ABR: variants seen among roughly 807,000 people sequenced by gnomAD.
ABR encodes the protein ABR activator of RhoGEF and GTPase, also known as active breakpoint cluster region-related protein.
In ABR, 35 loss-of-function variants were observed where a neutral mutation model predicts 107.2. The observed-to-expected ratio is 0.33, with a 90% CI of 0.25 to 0.43. The LOEUF (loss-of-function observed/expected upper bound fraction) is 0.43, where lower values mean the gene tolerates loss of function less well. ABR is among the 20% of genes least tolerant of loss of function. The probability of loss-of-function intolerance (pLI) is 1.00; values close to 1 mark genes in which losing one functional copy is unlikely to be tolerated. For synonymous variants in ABR, 498 were observed against 462.0 expected (o/e 1.08, Z -1.00); for missense variants, 815 against 1,115.2 (o/e 0.73, Z 3.83).
chr17:1,142,731 G>C (rs2040338997), intron 1 of ABR, among the ~76,000 whole-genome samples: 1 of 152,190 alleles, frequency 6.6e-6, no homozygotes, highest in African/African-American at 2.4e-5. Context: ...GGGAAGAGAA[G>C]ACAAGACGGA....
At chr17:1,144,318 A>G (rs937075563) in intron 1 of ABR, among the ~76,000 whole-genome samples, 1 of 152,112 alleles carries the variant, frequency 6.6e-6, no homozygotes, top group Non-Finnish European at 1.5e-5. Flanking sequence ...CACACACCAG[A>G]TGCAGGGGCG....
intron 1 of ABR, among the ~76,000 whole-genome samples, chr17:1,142,827 G>A (rs1017799745): frequency 6.6e-6 from 1 of 152,112 alleles, no homozygotes; most frequent in African/African-American, 2.4e-5. Context: ...CAGGACCCTC[G>A]GCCTGGCCTG....
In ABR at chr17:1,075,705, C is replaced by T. The variant is rs146873647; in HGVS notation, c.701-2028G>A. ...GTATAATAATGGTTGAAAACCACTG[C>T]TTTATGTTTTATTTATGTATTTATT... On this transcript the variant is annotated intron_variant, in intron 6 of 22. Transcript: ENST00000302538. 2.3e-3 allele frequency among the ~76,000 whole-genome samples: 351 copies of T among 152,312 alleles called. 1 individual carries two copies. Among genetic ancestry groups the T allele is most frequent in the African/African-American group, 8.1e-3 (337 of 41,578 alleles).
intron 1 of ABR, among the ~76,000 whole-genome samples, chr17:1,185,353 A>G (rs770084721): frequency 2.6e-5 from 4 of 152,160 alleles, no homozygotes; most frequent in Non-Finnish European, 5.9e-5. Context: ...TGTAGACAGT[A>G]TGCGCCCAGG....
intron 3 of ABR, among the ~76,000 whole-genome samples, chr17:1,097,366 G>A (rs1005187903): frequency 2.6e-5 from 4 of 152,036 alleles, no homozygotes; most frequent in South Asian, 2.1e-4. Context: ...CGAGGCGGGC[G>A]GATCACTTGA....
At chr17:1,193,872 T>C (rs2042491064) in intron 1 of ABR, among the ~76,000 whole-genome samples, 2 of 151,906 alleles carry the variant, frequency 1.3e-5, no homozygotes, top group Non-Finnish European at 2.9e-5. Flanking sequence ...TTTTTTGTAT[T>C]TTTAATAGAG....
intron 1 of ABR, among the ~76,000 whole-genome samples, chr17:1,146,293 A>ACAT (rs2040525060): frequency 6.7e-6 from 1 of 148,844 alleles, no homozygotes; most frequent in Non-Finnish European, 1.5e-5. Context: ...ACACACACAC[A>ACAT]CACATCACAT....
upstream of ABR, among the ~76,000 whole-genome samples, chr17:1,189,140 A>G (rs896994834): frequency 6.6e-6 from 1 of 152,112 alleles, no homozygotes; most frequent in African/African-American, 2.4e-5. Flanking sequence ...GAGAGTGAAG[A>G]AGGGTGAGAC....
chr17:1,171,376 T>TA (rs2041705253), intron 1 of ABR, among the ~76,000 whole-genome samples: 1 of 152,050 alleles, frequency 6.6e-6, no homozygotes, highest in South Asian at 2.1e-4. Context: ...CAGCCCCGAG[T>TA]AAGCCCACAG....
intron 1 of ABR, among the ~76,000 whole-genome samples, chr17:1,197,552 C>T (rs1279030004): frequency 6.6e-6 from 1 of 151,552 alleles, no homozygotes; most frequent in Non-Finnish European, 1.5e-5. Flanking sequence ...ACTCATTGCC[C>T]AAACCCCTGC....
At chr17:1,181,297 G>A (rs543405336), upstream of ABR, among the ~76,000 whole-genome samples, 1 of 152,314 alleles carries the variant, frequency 6.6e-6, no homozygotes, top group South Asian at 2.1e-4. Context: ...AGAGGCCTCT[G>A]CAGCTGCCCC....
rs1015372878 is a variant in ABR at position 1,025,682 on chromosome 17, G to A, written c.1792-12518C>T. Reference sequence around the variant, plus strand: ...AATTCTTCTTGTCATTTAAATCTTCGTTCAAAAGTGATCCTCTCAAGCCAG... The same window carrying A: ...AATTCTTCTTGTCATTTAAATCTTCATTCAAAAGTGATCCTCTCAAGCCAG... On this transcript the variant is annotated intron_variant, in intron 16 of 22. Transcript: ENST00000302538. Among the ~76,000 whole-genome samples, 6 of 152,112 alleles carry A rather than the reference G, an allele frequency of 3.9e-5. No homozygotes were observed. The East Asian group carries it at 5.8e-4, about 15-fold the overall frequency.
rs540700565 is a variant in ABR, at chr17:1,084,915, G to T, written c.532-1288C>A. ...CCTCCCGGATTCAAGGGATTCTCCT[G>T]CCTCAGCCTCCCGAGTAGCTGGCGT... On this transcript the variant is annotated intron_variant, in intron 4 of 22. Coordinates refer to ENST00000302538, the MANE Select transcript of ABR (RefSeq NM_021962.5). This position sits in a 1 kb window ranked among gnomAD's most constrained non-coding sequence, Gnocchi z 4.2. Among the ~76,000 whole-genome samples the T allele has an allele frequency of 2.0e-5, 3 of 152,212 alleles. No homozygotes were observed. Among genetic ancestry groups the T allele is most frequent in the African/African-American group, 7.2e-5 (3 of 41,536 alleles).
chr17:1,134,807 G>GC (rs1302469760), intron 1 of ABR, among the ~76,000 whole-genome samples: 2 of 152,238 alleles, frequency 1.3e-5, no homozygotes, highest in Admixed American at 1.3e-4. Flanking sequence ...GGAGGTTCCA[G>GC]CCCACGCTCT....
At chr17:1,073,436 T>C (rs1380086613) in intron 7 of ABR, among the ~76,000 whole-genome samples, 189 bp downstream of exon 7, 4 of 151,998 alleles carry the variant, frequency 2.6e-5, no homozygotes, top group Admixed American at 2.0e-4. Context: ...TCAAGCTTAG[T>C]AGCCAAGCTG....
intron 2 of ABR, among the ~76,000 whole-genome samples, chr17:1,108,562 A>C (rs192762635): frequency 6.6e-6 from 1 of 152,370 alleles, no homozygotes; most frequent in African/African-American, 2.4e-5. Context: ...CGGAGACACC[A>C]AGTCCCTGTC....
At chr17:1,228,474 GC>G (rs2043264107) in intron 1 of ABR, among the ~76,000 whole-genome samples, 2 of 152,212 alleles carry the variant, frequency 1.3e-5, no homozygotes, top group African/African-American at 4.8e-5. Flanking sequence ...AAGGGATCTG[GC>G]GGGGGCCAGG....
intron 3 of ABR, among the ~76,000 whole-genome samples, chr17:1,093,417 C>G (rs558951978): frequency 6.6e-6 from 1 of 152,160 alleles, no homozygotes. Context: ...TGCAGTGAGC[C>G]AAGATTGCGC....
chr17:1,222,360 C>T (rs763823427), intron 1 of ABR, among the ~76,000 whole-genome samples: 6 of 152,120 alleles, frequency 3.9e-5, no homozygotes, highest in East Asian at 1.9e-4. Flanking sequence ...TGAGCCACCG[C>T]GCCCGGCCTC....
Sources: allele counts gnomAD v4.1 joint callset (sites outside exome capture counted in the v4.1 genomes callset), GRCh38; gene constraint gnomAD v4.1.1; non-coding constraint Gnocchi (gnomAD v3.1); transcripts MANE v1.5; gene names NCBI Gene and HGNC (gene_info 2026-07-23, HGNC 2026-07-21).